The following DLGAP2 variants were observed in gnomAD, a reference collection of about 807,000 sequenced individuals.
The protein encoded by DLGAP2 is disks large-associated protein 2.
Under a neutral mutation model 100.3 loss-of-function variants are expected in DLGAP2, and 26 were observed. The observed-to-expected ratio is 0.26, with a 90% CI of 0.19 to 0.36. DLGAP2 has a LOEUF of 0.36. DLGAP2 is among the 10% of genes least tolerant of loss of function. The pLI, the probability that DLGAP2 is intolerant of heterozygous loss-of-function variation, is 1.00. For missense variants in DLGAP2, 1,858 were observed against 1,453.2 expected (o/e 1.28, Z -4.53); for synonymous variants, 886 against 630.1 (o/e 1.41, Z -6.08).
At chr8:998,542 G>T (rs1800853378) in intron 2 of DLGAP2, among the ~76,000 whole-genome samples, 1 of 151,100 alleles carries the variant, frequency 6.6e-6, no homozygotes, top group Admixed American at 6.6e-5. Flanking sequence ...CGCTTAAGCA[G>T]TCCTCCCACC....
intron 2 of DLGAP2, among the ~76,000 whole-genome samples, chr8:1,222,032 T>G (rs530945361): frequency 6.6e-6 from 1 of 152,266 alleles, no homozygotes; most frequent in Non-Finnish European, 1.5e-5. Flanking sequence ...AACCTCATTC[T>G]GAATCTTGAG....
intron 4 of DLGAP2, among the ~76,000 whole-genome samples, chr8:1,546,915 G>A (rs1801559129): frequency 6.6e-6 from 1 of 152,152 alleles, no homozygotes; most frequent in African/African-American, 2.4e-5. Context: ...AAACGTGTGG[G>A]GGGATAGTTC....
intron 3 of DLGAP2, among the ~76,000 whole-genome samples, chr8:1,436,124 C>G (rs960451537): frequency 2.0e-5 from 3 of 152,110 alleles, no homozygotes; most frequent in Non-Finnish European, 2.9e-5. Flanking sequence ...GGAGAATTGA[C>G]TCACAACCAC....
At position 1,344,579 on chromosome 8, in the gene DLGAP2, A is replaced by G. The variant is rs554682957; in HGVS notation, c.106+85696A>G. Among the ~76,000 whole-genome samples, 75 of 152,286 alleles carry G rather than the reference A, an allele frequency of 4.9e-4. 1 individual carries two copies. Among genetic ancestry groups the G allele is most frequent in the Middle Eastern group, 3.4e-3 (1 of 294 alleles). Reference sequence around the variant, plus strand: ...ACAGAGATTCTATGGAGTAATTCCTATGATAGACTAAGAGTGCATGTACCT... The same window carrying G: ...ACAGAGATTCTATGGAGTAATTCCTGTGATAGACTAAGAGTGCATGTACCT... On this transcript the variant is annotated intron_variant, in intron 3 of 14. Transcript: ENST00000637795.
intron 2 of DLGAP2, among the ~76,000 whole-genome samples, chr8:1,017,547 GATGCCTCCACT>G: frequency 5.0e-5 from 6 of 120,404 alleles, no homozygotes; most frequent in Middle Eastern, 5.1e-3. Flanking sequence ...CAGGACAGAC[GATGCCTCCACT>G]GTGTGTGTGA....
intron 3 of DLGAP2, among the ~76,000 whole-genome samples, chr8:1,459,872 G>T (rs1011225084): frequency 6.6e-6 from 1 of 152,010 alleles, no homozygotes; most frequent in African/African-American, 2.4e-5. Flanking sequence ...TTTTAGTAGA[G>T]ACAGGGTTTC....
At chr8:1,042,011 C>A (rs1410141661) in intron 2 of DLGAP2, among the ~76,000 whole-genome samples, 2 of 152,154 alleles carry the variant, frequency 1.3e-5, no homozygotes, top group Non-Finnish European at 2.9e-5. Context: ...AATTCTGTGT[C>A]CCCTAGATGG....
intron 2 of DLGAP2, among the ~76,000 whole-genome samples, chr8:1,119,356 TC>T (rs1169213993): frequency 6.6e-6 from 1 of 152,244 alleles, no homozygotes; most frequent in Non-Finnish European, 1.5e-5. Context: ...TCCAGTTGCC[TC>T]CCCATGCTCT....
chr8:1,126,685 T>G (rs1028116496), intron 2 of DLGAP2, among the ~76,000 whole-genome samples: 1 of 152,138 alleles, frequency 6.6e-6, no homozygotes, highest in African/African-American at 2.4e-5. Flanking sequence ...AGGGCTTTGA[T>G]TAAGAGTCTC....
At chr8:744,058 C>G (rs1820552923) in intron 1 of DLGAP2, among the ~76,000 whole-genome samples, 1 of 152,232 alleles carries the variant, frequency 6.6e-6, no homozygotes, top group South Asian at 2.1e-4. Flanking sequence ...CCTGTTTTAG[C>G]TGAAGGAAGT....
At chr8:1,477,039 T>C (rs1798953434) in intron 3 of DLGAP2, among the ~76,000 whole-genome samples, 1 of 143,960 alleles carries the variant, frequency 6.9e-6, no homozygotes, top group Non-Finnish European at 1.5e-5. Context: ...TCTCAGGTCA[T>C]TCCTTCAGAG....
chr8:1,555,378 T>G (rs1182860076), intron 5 of DLGAP2, among the ~76,000 whole-genome samples: 1 of 152,160 alleles, frequency 6.6e-6, no homozygotes, highest in African/African-American at 2.4e-5. Context: ...ACACTCTATG[T>G]TCCCTGTCCT....
chr8:1,595,537 G>A (rs1489138071), intron 6 of DLGAP2, among the ~76,000 whole-genome samples: 7 of 151,112 alleles, frequency 4.6e-5, no homozygotes, highest in Non-Finnish European at 1.0e-4. Context: ...CACGGTGGCG[G>A]GCGCCTGTAG....
chr8:1,308,394 C>A (rs961065667), intron 3 of DLGAP2, among the ~76,000 whole-genome samples: 1 of 152,140 alleles, frequency 6.6e-6, no homozygotes, highest in Non-Finnish European at 1.5e-5. Flanking sequence ...TCAAAAACAG[C>A]CAAACCAGAA....
intron 7 of DLGAP2, among the ~76,000 whole-genome samples, chr8:1,627,647 T>C (rs1216626753): frequency 6.6e-6 from 1 of 152,250 alleles, no homozygotes; most frequent in African/African-American, 2.4e-5. Flanking sequence ...TTTGTATACC[T>C]AACAAACATT....
chr8:1,031,444 C>G lies in DLGAP2; in HGVS notation c.73+123478C>G, dbSNP rs199967694. 2.6e-5 allele frequency among the ~76,000 whole-genome samples: 4 copies of G among 151,946 alleles called. No homozygotes were observed. The East Asian group carries it at 5.8e-4, about 22-fold the overall frequency. On this transcript the variant is annotated intron_variant, in intron 2 of 14. Transcript: ENST00000637795. ...GTTTATTTTTTGAGACAGGGCCTCA[C>G]TCTGTCACCCAAGCTGTGGTGCAGT...
At chr8:1,045,282 A>C (rs955860594) in intron 2 of DLGAP2, among the ~76,000 whole-genome samples, 1 of 152,236 alleles carries the variant, frequency 6.6e-6, no homozygotes, top group Admixed American at 6.5e-5. Flanking sequence ...TGTCAGCATT[A>C]AATGAGTGAG....
intron 7 of DLGAP2, among the ~76,000 whole-genome samples, chr8:1,627,322 C>T (rs1018901445): frequency 6.6e-5 from 10 of 152,236 alleles, no homozygotes; most frequent in South Asian, 2.1e-4. Context: ...AGAGTCCTGC[C>T]GGTCGGCCCC....
At chr8:1,616,523 A>G (rs372311534) in intron 6 of DLGAP2, among the ~76,000 whole-genome samples, 2 of 152,216 alleles carry the variant, frequency 1.3e-5, no homozygotes, top group African/African-American at 4.8e-5. Flanking sequence ...AACCAGAGGA[A>G]TAATTAGAAA....
Sources: allele counts gnomAD v4.1 joint callset (sites outside exome capture counted in the v4.1 genomes callset), GRCh38; gene constraint gnomAD v4.1.1; transcripts MANE v1.5; gene names NCBI Gene and HGNC (gene_info 2026-07-23, HGNC 2026-07-21).